TGFBR3: variants seen among roughly 807,000 people sequenced by gnomAD.
The protein encoded by TGFBR3 is transforming growth factor beta receptor type 3.
TGFBR3 carries 46 observed loss-of-function variants against 87.9 expected under a neutral mutation model. The observed-to-expected ratio is 0.52, with a 90% CI of 0.41 to 0.67. The LOEUF (loss-of-function observed/expected upper bound fraction) is 0.67, where lower values mean the gene tolerates loss of function less well. TGFBR3 is among the 30% of genes least tolerant of loss of function. The probability of loss-of-function intolerance (pLI) is 0.00; values close to 1 mark genes in which losing one functional copy is unlikely to be tolerated. For synonymous variants in TGFBR3, 381 were observed against 391.6 expected (o/e 0.97, Z 0.32); for missense variants, 866 against 1,041.9 (o/e 0.83, Z 2.32).
chr1:91,764,711 T>C (rs2100914029), intron 3 of TGFBR3, among the ~76,000 whole-genome samples: 1 of 152,334 alleles, frequency 6.6e-6, no homozygotes, highest in South Asian at 2.1e-4. Flanking sequence ...TCTATCATTC[T>C]TTGGCATTAA....
At chr1:91,791,523 C>G (rs1192528) in intron 3 of TGFBR3, among the ~76,000 whole-genome samples, 101,143 of 152,080 alleles carry the variant, frequency 0.67, 33,787 homozygotes, top group East Asian at 0.79. Context: ...CCAAGCACTG[C>G]AAAGAGTTAT....
intron 1 of TGFBR3, chr1:91,864,092 A>G (rs536291243): frequency 2.0e-5 from 3 of 152,330 alleles, no homozygotes; most frequent in Non-Finnish European, 4.4e-5. Flanking sequence ...ACTTTTATAA[A>G]GCAAATCCCT....
In TGFBR3 at chr1:91,853,933, C is replaced by T. The variant is rs544888157; in HGVS notation, c.61+7538G>A. Among the ~76,000 whole-genome samples the T allele has an allele frequency of 3.3e-4, 50 of 152,090 alleles. 1 individual carries two copies. The highest frequency in any genetic ancestry group is 1.4e-3 in the Admixed American group (22 of 15,276). On this transcript the variant is annotated intron_variant, in intron 2 of 16. Transcript: ENST00000212355. ...CCAAGGCAGGAGAATCACTCGAACCCGGGAGGCGGAGGTTGCAGTGAGCTG... is the reference window on the plus strand; with the variant it reads ...CCAAGGCAGGAGAATCACTCGAACCTGGGAGGCGGAGGTTGCAGTGAGCTG...
intron 14 of TGFBR3, among the ~76,000 whole-genome samples, chr1:91,698,871 G>C (rs1170116147): frequency 6.6e-6 from 1 of 152,050 alleles, no homozygotes; most frequent in Admixed American, 6.5e-5. Flanking sequence ...CCTAGCCTTA[G>C]TGCTATTATC....
At chr1:91,700,453 G>A (rs1671581078) in intron 14 of TGFBR3, among the ~76,000 whole-genome samples, 1 of 152,146 alleles carries the variant, frequency 6.6e-6, no homozygotes, top group African/African-American at 2.4e-5. Flanking sequence ...TCCGATGGGT[G>A]GGTCAACATT....
intron 4 of TGFBR3, among the ~76,000 whole-genome samples, chr1:91,756,654 G>A (rs1673757135): frequency 6.6e-6 from 1 of 152,072 alleles, no homozygotes; most frequent in Non-Finnish European, 1.5e-5. Context: ...TTTTAATATA[G>A]AATAAGAGTT....
At chr1:91,703,272 T>C (rs1671684886) in intron 14 of TGFBR3, among the ~76,000 whole-genome samples, 2 of 152,122 alleles carry the variant, frequency 1.3e-5, no homozygotes, top group Non-Finnish European at 2.9e-5. Context: ...CAAAAAGTAA[T>C]GCCTCTCTTG....
At chr1:91,838,355 T>C (rs768166970) in intron 2 of TGFBR3, among the ~76,000 whole-genome samples, 2 of 152,080 alleles carry the variant, frequency 1.3e-5, no homozygotes, top group Non-Finnish European at 2.9e-5. Flanking sequence ...AAACCAACTA[T>C]AATAAACTGT....
At chr1:91,687,521 T>C (rs1013597174) in intron 16 of TGFBR3, among the ~76,000 whole-genome samples, 1 of 152,204 alleles carries the variant, frequency 6.6e-6, no homozygotes, top group Admixed American at 6.5e-5. Context: ...GGGAAGAAAC[T>C]ATTCAAGAAA....
rs200097382 is a variant in TGFBR3, at chr1:91,758,773, C to T, written c.247-23G>A. Reference sequence around the variant, plus strand: ...GACCTAGGAAGCAACAGAAAGAGGGCAGAAATCTTAGCCCTGGCTTTCCAT... The same window carrying T: ...GACCTAGGAAGCAACAGAAAGAGGGTAGAAATCTTAGCCCTGGCTTTCCAT... On this transcript the variant is annotated intron_variant, in intron 3 of 16. Transcript: ENST00000212355. 5.6e-6 allele frequency: 9 copies of T among 1,613,518 alleles called. No homozygotes were observed. The East Asian group carries it at 2.0e-4, about 36-fold the overall frequency.
chr1:91,787,737 G>A (rs1181719654), intron 3 of TGFBR3, among the ~76,000 whole-genome samples: 2 of 152,130 alleles, frequency 1.3e-5, no homozygotes, highest in African/African-American at 2.4e-5. Context: ...CACTTTGGGA[G>A]TCCAAGGCGA....
chr1:91,683,618 C>A lies in TGFBR3; in HGVS notation c.*121G>T. On this transcript the variant is annotated 3_prime_UTR_variant, in exon 17 of 17. Transcript: ENST00000212355. The stretch of plus-strand genomic sequence containing the variant: ...TATACTGAAATTCACTCTGTCTTTA[C>A]AAGGGAACCAAAATCCAGCCCTCTG... The A allele has an allele frequency of 1.2e-6, 1 of 810,792 alleles. No homozygotes were observed. The highest frequency in any genetic ancestry group is 2.0e-6 in the Non-Finnish European group (1 of 492,248). 50.2% of individuals were successfully genotyped at this position (810,792 alleles called of 1,614,324 possible). A position where few individuals can be genotyped will look rare whatever the true frequency, so the allele number is the denominator to read the frequency against.
intron 4 of TGFBR3, among the ~76,000 whole-genome samples, chr1:91,755,770 GAAGA>G (rs1448023438): frequency 6.6e-6 from 1 of 152,174 alleles, no homozygotes; most frequent in Non-Finnish European, 1.5e-5. Context: ...CTGGCAGACT[GAAGA>G]AAGAATCCAG....
intron 2 of TGFBR3, among the ~76,000 whole-genome samples, chr1:91,832,803 G>C (rs1380624980): frequency 1.1e-4 from 16 of 151,158 alleles, no homozygotes; most frequent in Admixed American, 9.9e-4. Context: ...AGGAGTTCAA[G>C]ACCAGCCTGG....
At chr1:91,846,719 T>C (rs942509033) in intron 2 of TGFBR3, among the ~76,000 whole-genome samples, 1 of 152,194 alleles carries the variant, frequency 6.6e-6, no homozygotes, top group Non-Finnish European at 1.5e-5. Context: ...TAGGTTTTTT[T>C]TTACTATATC....
chr1:91,760,266 C>A (rs1173369622), intron 3 of TGFBR3, among the ~76,000 whole-genome samples: 1 of 152,070 alleles, frequency 6.6e-6, no homozygotes, highest in Non-Finnish European at 1.5e-5. Flanking sequence ...ACTAAAAATA[C>A]AAAAATAAAT....
chr1:91,681,256 G>T lies in TGFBR3; in HGVS notation c.*2483C>A, dbSNP rs748205328. 1.2e-4 allele frequency: 52 copies of T among 440,880 alleles called. No individual in the cohort carries two copies. The highest frequency in any genetic ancestry group is 2.2e-4 in the Non-Finnish European group (48 of 222,364). 27.3% of individuals were successfully genotyped at this position (440,880 alleles called of 1,614,324 possible). On this transcript the variant is annotated 3_prime_UTR_variant, in exon 17 of 17. Transcript: ENST00000212355. Reference sequence around the variant, plus strand: ...GGAGAAAATACCTTATTTTTTTCATGTTCATTTTTTAGAAACATTTCAGAA... The same window carrying T: ...GGAGAAAATACCTTATTTTTTTCATTTTCATTTTTTAGAAACATTTCAGAA...
At chr1:91,892,100 TC>T (rs1679463541) in intron 2 of TGFBR3, among the ~76,000 whole-genome samples, 1 of 152,176 alleles carries the variant, frequency 6.6e-6, no homozygotes, top group African/African-American at 2.4e-5. Context: ...TCCTGCAAAC[TC>T]ACCATTTCCT....
chr1:91,900,277 C>T (rs1679684205), intron 1 of TGFBR3, among the ~76,000 whole-genome samples: 1 of 152,066 alleles, frequency 6.6e-6, no homozygotes, highest in African/African-American at 2.4e-5. Context: ...CCACACCTGG[C>T]TAATTTTTGT....
Sources: allele counts gnomAD v4.1 joint callset (sites outside exome capture counted in the v4.1 genomes callset), GRCh38; gene constraint gnomAD v4.1.1; transcripts MANE v1.5; gene names NCBI Gene and HGNC (gene_info 2026-07-23, HGNC 2026-07-21).